Variants in PKM observed in about 807,000 individuals in gnomAD.
The protein encoded by PKM is pyruvate kinase PKM.
A neutral mutation model predicts 49.8 loss-of-function variants in PKM; 18 were observed. That is an observed-to-expected ratio of 0.36 (90% CI 0.25 to 0.54). PKM has a LOEUF of 0.54. Ranked by LOEUF, PKM falls within the 20% of genes least tolerant of loss-of-function variation. The pLI, the probability that PKM is intolerant of heterozygous loss-of-function variation, is 0.89. For synonymous variants in PKM, 239 were observed against 261.8 expected, an observed-to-expected ratio of 0.91 and a Z score of 0.84; for missense variants, 508 against 713.8, an observed-to-expected ratio of 0.71 and a Z score of 3.28.
At chr15:72,223,535 T>C (rs1216939232) in intron 1 of PKM, among the ~76,000 whole-genome samples, 1 of 152,168 alleles carries the variant, frequency 6.6e-6, no homozygotes. Flanking sequence ...CTGCATCCGT[T>C]AGAAAGTCTG....
chr15:72,220,544 T>C lies in PKM; in HGVS notation c.-13-1434A>G, dbSNP rs2082494668. Among the ~76,000 whole-genome samples the C allele has an allele frequency of 2.0e-5, 3 of 152,174 alleles. No homozygotes were observed. In the South Asian group the frequency reaches 6.2e-4, roughly 32 times the overall value. ...CCTCAACCACAGATTCTAAAACTTT[T>C]AAAATGGGGAAATAAGATACCGGCT... is the stretch of plus-strand genomic sequence containing the variant. On this transcript the variant is annotated intron_variant, in intron 1 of 10. Coordinates refer to ENST00000335181, the MANE Select transcript of PKM (RefSeq NM_002654.6).
chr15:72,216,404 T>A (rs2082378098), intron 3 of PKM, among the ~76,000 whole-genome samples: 1 of 152,178 alleles, frequency 6.6e-6, no homozygotes, highest in Non-Finnish European at 1.5e-5. Flanking sequence ...GAGAATCACT[T>A]GAGCCCAGGA....
rs2082448924 is a variant in PKM at position 72,218,974 on chromosome 15, C to A, written c.124G>T (p.Ala42Ser). The change falls in exon 2 of 11, where the codon GCC (alanine) becomes TCC (serine). Residue 42 changes from alanine to serine, a missense_variant. Physicochemically the swap from Ala to Ser is moderately conservative, Grantham distance 99. Transcript: ENST00000335181. ...GTACAGATGATGCCAGTGTTCCGGG[C>A]TGTGATGGGTGGTGAATCAATGTCC... ...RLDIDSPPIT[A>S]RNTGIICTIG... 1.2e-6 allele frequency: 2 copies of A among 1,614,168 alleles called. No homozygotes were observed. Among genetic ancestry groups the A allele is most frequent in the Non-Finnish European group, 1.7e-6 (2 of 1,180,038 alleles).
At chr15:72,223,762 G>A (rs947634549) in intron 1 of PKM, among the ~76,000 whole-genome samples, 1 of 152,118 alleles carries the variant, frequency 6.6e-6, no homozygotes, top group African/African-American at 2.4e-5. Flanking sequence ...TATGGGTGCA[G>A]GATACAGAGG....
At chr15:72,212,226 A>G (rs764818522) in intron 3 of PKM, among the ~76,000 whole-genome samples, 3 of 152,164 alleles carry the variant, frequency 2.0e-5, no homozygotes, top group South Asian at 2.1e-4. Flanking sequence ...CCTGTCATCT[A>G]AACACTTTGG....
At chr15:72,215,864 C>G (rs540984773) in intron 3 of PKM, among the ~76,000 whole-genome samples, 2 of 152,306 alleles carry the variant, frequency 1.3e-5, no homozygotes, top group South Asian at 4.1e-4. Flanking sequence ...ACACTTAATT[C>G]TCTAACAAGT....
Position 72,199,675 on chromosome 15 carries a change from G to C in PKM, c.1571C>G (p.Thr524Ser). 6.2e-7 allele frequency: 1 copy of C among 1,613,676 alleles called. No homozygotes were observed. Among genetic ancestry groups the C allele is most frequent in the East Asian group, 2.2e-5 (1 of 44,868 alleles). The change falls in exon 11 of 11, where the codon ACC becomes AGC. Residue 524 changes from threonine to serine, a missense_variant. Thr to Ser is a moderately conservative substitution (Grantham distance 58). Transcript: ENST00000335181. The stretch of plus-strand genomic sequence containing the variant: ...TCACGGCACAGGAACAACACGCATG[G>C]TGTTGGTGAAGCCGGAGCCAGGGCG... The part of the protein sequence containing the change: ...GWRPGSGFTN[T>S]MRVVPVP
Position 72,209,868 on chromosome 15 carries a change from A to G in PKM, c.379-9T>C, listed in dbSNP as rs765031850. On this transcript the variant is annotated splice_polypyrimidine_tract_variant and intron_variant, in intron 4 of 10. Transcript: ENST00000335181. The stretch of plus-strand genomic sequence containing the variant: ...ACCTCTGCAGTGCCGCTCTAGGGAC[A>G]AGAGAGTAAGCAAGAGTCCAAACTG... 1 of 1,613,528 alleles carries G rather than the reference A, an allele frequency of 6.2e-7. No individual in the cohort carries two copies. The highest frequency in any genetic ancestry group is 8.5e-7 in the Non-Finnish European group (1 of 1,179,456).
At position 72,199,162 on chromosome 15, in the gene PKM, A is replaced by C. The variant is rs1367614444; in HGVS notation, c.*488T>G. 1.7e-4 allele frequency: 57 copies of C among 335,012 alleles called. No individual in the cohort carries two copies. Among genetic ancestry groups the C allele is most frequent in the Non-Finnish European group, 5.9e-5 (10 of 170,628 alleles). The allele number at this position is 335,012 out of a possible 1,614,324, so 20.8% of individuals were successfully genotyped here. A position where few individuals can be genotyped will look rare whatever the true frequency, so the allele number is the denominator to read the frequency against. ...CAGGACAGCTGAGTGGAGGGTGGGG[A>C]CAGGTGCAAACTGGAGAGGCCTAGA... On this transcript the variant is annotated 3_prime_UTR_variant, in exon 11 of 11. Coordinates refer to ENST00000335181, the MANE Select transcript of PKM (RefSeq NM_002654.6).
intron 3 of PKM, among the ~76,000 whole-genome samples, chr15:72,216,812 T>A (rs1253077584): frequency 2.0e-5 from 3 of 152,136 alleles, no homozygotes; most frequent in Non-Finnish European, 2.9e-5. Flanking sequence ...ACAGTCCTAC[T>A]AGGCTCCTGG....
chr15:72,207,349 T>C lies in PKM; in HGVS notation c.837-72A>G, dbSNP rs1281242811. On this transcript the variant is annotated intron_variant, in intron 6 of 10. Coordinates refer to ENST00000335181, the MANE Select transcript of PKM (RefSeq NM_002654.6). Reference sequence around the variant, plus strand: ...ACAAGTATGGCAGTAGACAAGAAGTTTCCCTGGGATTCCCTAACTTAGATG... The same window carrying C: ...ACAAGTATGGCAGTAGACAAGAAGTCTCCCTGGGATTCCCTAACTTAGATG... 3.9e-6 allele frequency: 5 copies of C among 1,277,362 alleles called. No individual in the cohort carries two copies. The African/African-American group carries it at 7.3e-5, about 19-fold the overall frequency. The allele number at this position is 1,277,362 out of a possible 1,614,324, so 79.1% of individuals were successfully genotyped here.
Position 72,202,409 on chromosome 15 carries a change from G to A in PKM, c.1307+45C>T, listed in dbSNP as rs2081966635. 5 of 1,584,960 alleles carry A rather than the reference G, an allele frequency of 3.2e-6. No homozygotes were observed. The highest frequency in any genetic ancestry group is 1.7e-5 in the Admixed American group (1 of 58,186). ...CTGCTCCCAGGACCCCCAAGGTGAGGTACCACTGAGCAGGGCATTCCAGGG... is the reference window on the plus strand; with the variant it reads ...CTGCTCCCAGGACCCCCAAGGTGAGATACCACTGAGCAGGGCATTCCAGGG... On this transcript the variant is annotated intron_variant, in intron 9 of 10. Coordinates refer to ENST00000335181, the MANE Select transcript of PKM (RefSeq NM_002654.6). This position sits in a 1 kb window ranked among gnomAD's most constrained non-coding sequence, Gnocchi z 4.5.
intron 2 of PKM, among the ~76,000 whole-genome samples, chr15:72,218,131 C>CT (rs952401282): frequency 3.8e-4 from 56 of 147,446 alleles, no homozygotes; most frequent in African/African-American, 8.2e-4. Context: ...TTTTTTCTTC[C>CT]TTTTTTTTTT....
chr15:72,202,658 G>A lies in PKM; in HGVS notation c.1141-38C>T, dbSNP rs779964018. 3 of 1,576,172 alleles carry A rather than the reference G, an allele frequency of 1.9e-6. No homozygotes were observed. Among genetic ancestry groups the A allele is most frequent in the South Asian group, 2.3e-5 (2 of 88,776 alleles). ...CATCCGTCCAGAGGGACGAGAGGGG[G>A]ACAGAGCTTTGTCAGAGCTTTGTCA... On this transcript the variant is annotated intron_variant, in intron 8 of 10. Transcript: ENST00000335181. The surrounding 1 kb of genome is among the most constrained non-coding windows in gnomAD (Gnocchi z 4.5).
rs1475040192 is a variant in PKM, at chr15:72,206,853, G to A, written c.1015C>T (p.Arg339Cys). The change falls in exon 8 of 11, where the codon CGC (arginine) becomes TGC (cysteine). Residue 339 changes from arginine (R) to cysteine (C), a missense_variant. Physicochemically the swap from Arg to Cys is radical, Grantham distance 180. Transcript: ENST00000335181. The stretch of plus-strand genomic sequence containing the variant: ...TCACTGCCTTCAGCCCGAGTGGGGC[G>A]GGGCTTCTTGATCATGCTCTCCAGC... ...QMLESMIKKP[R>C]PTRAEGSDVA... is the part of the protein sequence containing the mutation. The A allele has an allele frequency of 6.2e-6, 10 of 1,614,142 alleles. No individual in the cohort carries two copies. Among genetic ancestry groups the A allele is most frequent in the East Asian group, 2.2e-5 (1 of 44,880 alleles).
chr15:72,205,181 T>C (rs2082041568), intron 8 of PKM, among the ~76,000 whole-genome samples: 1 of 152,126 alleles, frequency 6.6e-6, no homozygotes, highest in Non-Finnish European at 1.5e-5. Flanking sequence ...TGGTACCATC[T>C]TGGCTCACTG....
At position 72,206,882 on chromosome 15, in the gene PKM, T is replaced by C; in HGVS notation, c.988-2A>G. ...CTTCTTGATCATGCTCTCCAGCATC[T>C]GGGAGGGGACAGAGCATTAGTGAGA... On this transcript the variant is annotated splice_acceptor_variant, in intron 7 of 10. Coordinates refer to ENST00000335181, the MANE Select transcript of PKM (RefSeq NM_002654.6). LOFTEE classifies it high-confidence loss of function. The C allele has an allele frequency of 1.2e-6, 2 of 1,614,054 alleles. No homozygotes were observed. Among genetic ancestry groups the C allele is most frequent in the Non-Finnish European group, 1.7e-6 (2 of 1,180,008 alleles).
rs765351205 is a variant in PKM, at chr15:72,200,506, A to G, written c.1457T>C (p.Val486Ala). Residue 486 changes from valine to alanine, a missense_variant, in exon 10 of 11, where the codon GTG (valine) becomes GCG (alanine). Coordinates refer to ENST00000335181, the MANE Select transcript of PKM (RefSeq NM_002654.6). This position sits in a 1 kb window ranked among gnomAD's most constrained non-coding sequence, Gnocchi z 4.6. ...DPVQEAWAED[V>A]DLRVNFAMNV... ...CATGGCAAAGTTCACCCGGAGGTCC[A>G]CGTCCTCAGCCCAGGCCTCCTGGAC... is the stretch of plus-strand genomic sequence containing the variant. The G allele has an allele frequency of 1.2e-6, 2 of 1,613,734 alleles. No homozygotes were observed. Among genetic ancestry groups the G allele is most frequent in the African/African-American group, 1.3e-5 (1 of 74,920 alleles).
intron 3 of PKM, among the ~76,000 whole-genome samples, chr15:72,212,899 G>A (rs370876719): frequency 1.4e-3 from 217 of 152,168 alleles, no homozygotes; most frequent in African/African-American, 4.6e-3. Context: ...GTGAAACCCC[G>A]TCTCTACTAA....
Sources: allele counts gnomAD v4.1 joint callset (sites outside exome capture counted in the v4.1 genomes callset), GRCh38; gene constraint gnomAD v4.1.1; non-coding constraint Gnocchi (gnomAD v3.1); transcripts MANE v1.5; gene names NCBI Gene and HGNC (gene_info 2026-07-23, HGNC 2026-07-21).